Variants in PCDHA9 observed in about 807,000 individuals in gnomAD.
The protein encoded by PCDHA9 is protocadherin alpha 9.
In PCDHA9, 62 loss-of-function variants were observed where a neutral mutation model predicts 62.0. The ratio of observed to expected loss-of-function variants is 1.00; its 90% CI spans 0.81 to 1.23. The LOEUF (loss-of-function observed/expected upper bound fraction) is 1.23. PCDHA9 is among the 50% of genes most tolerant of loss of function. The probability of loss-of-function intolerance (pLI) is 0.00; values close to 1 mark genes in which losing one functional copy is unlikely to be tolerated. For missense variants in PCDHA9, 1,205 were observed against 1,249.8 expected, an observed-to-expected ratio of 0.96 and a Z score of 0.54; for synonymous variants, 557 against 567.6, an observed-to-expected ratio of 0.98 and a Z score of 0.27.
rs143363926 is a variant in PCDHA9 at position 140,919,499 on chromosome 5, C to T, written c.2395-59450C>T. Among the ~76,000 whole-genome samples the T allele has an allele frequency of 1.8e-4, 27 of 152,124 alleles. No homozygotes were observed. In the East Asian group the frequency reaches 5.2e-3, roughly 29 times the overall value. ...TGGATTTATGTTTGTTATTTTACTCCTTTTTCTATATGTTTTAATTCTCTT... is the reference window on the plus strand; with the variant it reads ...TGGATTTATGTTTGTTATTTTACTCTTTTTTCTATATGTTTTAATTCTCTT... On this transcript the variant is annotated intron_variant, in intron 1 of 3. Coordinates refer to ENST00000532602, the MANE Select transcript of PCDHA9 (RefSeq NM_031857.2).
At chr5:140,936,449 C>A (rs1245206418) in intron 1 of PCDHA9, among the ~76,000 whole-genome samples, 1 of 152,174 alleles carries the variant, frequency 6.6e-6, no homozygotes, top group African/African-American at 2.4e-5. Context: ...ATAACCACAT[C>A]TGTTTAGTGG....
chr5:140,951,707 G>A (rs1162162711), intron 1 of PCDHA9, among the ~76,000 whole-genome samples: 6 of 152,076 alleles, frequency 3.9e-5, no homozygotes, highest in African/African-American at 1.4e-4. Flanking sequence ...TTTGGGCGGG[G>A]ACACAGATCC....
At chr5:140,885,985 G>A (rs879977606) in intron 1 of PCDHA9, among the ~76,000 whole-genome samples, 3 of 152,110 alleles carry the variant, frequency 2.0e-5, no homozygotes, top group Admixed American at 2.0e-4. Context: ...AGATTCGCAT[G>A]TGGTTGAAAG....
chr5:140,884,479 C>A (rs1554181619), intron 1 of PCDHA9: 2 of 1,613,914 alleles, frequency 1.2e-6, no homozygotes, highest in African/African-American at 1.3e-5. Flanking sequence ...CGGGCAAGCC[C>A]ACTCTAGTGT....
chr5:140,875,426 A>G, intron 1 of PCDHA9: 1 of 1,532,482 alleles, frequency 6.5e-7, no homozygotes, highest in Non-Finnish European at 8.7e-7. Context: ...CAGGCAAGCG[A>G]TCCCTTAAAA....
intron 1 of PCDHA9, among the ~76,000 whole-genome samples, chr5:140,897,824 A>G (rs1234550995): frequency 2.6e-5 from 4 of 152,016 alleles, no homozygotes; most frequent in African/African-American, 9.7e-5. Flanking sequence ...AAGTGTTCCT[A>G]TTTCTCCACA....
At chr5:140,966,626 C>T in intron 1 of PCDHA9, 9 of 925,184 alleles carry the variant, frequency 9.7e-6, no homozygotes, top group South Asian at 9.6e-5. Flanking sequence ...GAGGGAGCGG[C>T]CCCAGGCGCT....
intron 1 of PCDHA9, chr5:140,884,152 T>A: frequency 6.2e-7 from 1 of 1,613,450 alleles, no homozygotes; most frequent in Non-Finnish European, 8.5e-7. Context: ...GGCTGTACAC[T>A]GGCGAGATCA....
chr5:140,968,405 G>C (rs2096244938), intron 1 of PCDHA9: 7 of 1,614,002 alleles, frequency 4.3e-6, no homozygotes, highest in Non-Finnish European at 5.9e-6. Flanking sequence ...GGAGTTCTTT[G>C]TGACTGTGGA....
chr5:140,965,229 C>A (rs1554227498), intron 1 of PCDHA9, among the ~76,000 whole-genome samples: 1 of 152,124 alleles, frequency 6.6e-6, no homozygotes, highest in Non-Finnish European at 1.5e-5. Context: ...AATGTGAGAA[C>A]CTGGGAAGAG....
At chr5:140,876,173 A>T (rs369965805) in intron 1 of PCDHA9, 66 of 1,613,862 alleles carry the variant, frequency 4.1e-5, no homozygotes, top group Middle Eastern at 1.6e-4. Context: ...ACCGTCCTGG[A>T]TGTGAATGAC....
At chr5:140,942,851 G>T (rs1211748532) in intron 1 of PCDHA9, among the ~76,000 whole-genome samples, 2 of 151,980 alleles carry the variant, frequency 1.3e-5, no homozygotes, top group Non-Finnish European at 2.9e-5. Flanking sequence ...CCAGTAAGAT[G>T]ATTATTTTGC....
intron 1 of PCDHA9, among the ~76,000 whole-genome samples, chr5:140,891,866 T>C (rs2063289213): frequency 6.6e-6 from 1 of 152,184 alleles, no homozygotes; most frequent in Non-Finnish European, 1.5e-5. Flanking sequence ...TCTCTTATGC[T>C]TTTGGCTCTG....
chr5:140,909,684 G>A (rs2074634664), intron 1 of PCDHA9, among the ~76,000 whole-genome samples: 1 of 152,220 alleles, frequency 6.6e-6, no homozygotes, highest in Non-Finnish European at 1.5e-5. Context: ...GGGAGCCAAT[G>A]TGGGGGTTCT....
At chr5:140,925,084 A>AGGAAGGAAGGAAGGAAGGAAGGAG (rs1554202501) in intron 1 of PCDHA9, among the ~76,000 whole-genome samples, 2 of 144,612 alleles carry the variant, frequency 1.4e-5, no homozygotes, top group African/African-American at 5.6e-5. Context: ...TCATCTGGAA[A>AGGAAGGAAGGAAGGAAGGAAGGAG]GGAAGGAAGG....
At chr5:140,972,132 A>C (rs1412850121) in intron 1 of PCDHA9, among the ~76,000 whole-genome samples, 9 of 152,062 alleles carry the variant, frequency 5.9e-5, no homozygotes, top group African/African-American at 2.2e-4. Context: ...TCAGTGAGTT[A>C]CTACTATTTT....
chr5:140,873,928 T>C (rs944678136), intron 1 of PCDHA9, among the ~76,000 whole-genome samples: 1 of 152,216 alleles, frequency 6.6e-6, no homozygotes, highest in Non-Finnish European at 1.5e-5. Flanking sequence ...CCCAAAGTGC[T>C]GGGATTACAG....
intron 1 of PCDHA9, chr5:140,876,435 C>T: frequency 6.2e-7 from 1 of 1,613,970 alleles, no homozygotes; most frequent in South Asian, 1.1e-5. Context: ...TTCAGGTTAA[C>T]GCCATTGATA....
chr5:140,868,090 T>C (rs2050270367), intron 1 of PCDHA9: 2 of 152,144 alleles, frequency 1.3e-5, no homozygotes, highest in Non-Finnish European at 2.9e-5. Flanking sequence ...TTTTATAAAA[T>C]GATAATAAAA....
Sources: gnomAD v4.1 joint callset for allele counts (sites outside exome capture counted in the v4.1 genomes callset) on GRCh38, gnomAD v4.1.1 for gene constraint, MANE v1.5 for transcripts, NCBI Gene and HGNC (gene_info 2026-07-23, HGNC 2026-07-21) for gene names.